The following KDM2A variants were observed in gnomAD, a reference collection of about 807,000 sequenced individuals.
KDM2A encodes the protein lysine-specific demethylase 2A.
A neutral mutation model predicts 137.3 loss-of-function variants in KDM2A; 3 were observed. That is an observed-to-expected ratio of 0.02 (90% CI 0.01 to 0.06). KDM2A has a LOEUF of 0.06. Ranked by LOEUF, KDM2A falls within the 10% of genes least tolerant of loss-of-function variation. The pLI, the probability that KDM2A is intolerant of heterozygous loss-of-function variation, is 1.00. For missense variants in KDM2A, 738 were observed against 1,510.6 expected (o/e 0.49, Z 8.48); for synonymous variants, 512 against 541.5 (o/e 0.95, Z 0.76).
chr11:67,138,038 C>T (rs1416292328), intron 2 of KDM2A, among the ~76,000 whole-genome samples: 4 of 152,094 alleles, frequency 2.6e-5, no homozygotes, highest in African/African-American at 7.2e-5. Context: ...CCTTGTGATT[C>T]GCCTGCCTCA....
chr11:67,148,525 G>A (rs1056788203), intron 2 of KDM2A, among the ~76,000 whole-genome samples: 6 of 152,126 alleles, frequency 3.9e-5, no homozygotes, highest in Admixed American at 3.3e-4. Flanking sequence ...ATCCGGCCGG[G>A]CGTGGTGGCT....
rs780285951 is a variant in KDM2A at position 67,253,403 on chromosome 11, G to T, written c.2933-50G>T. ...TTTGCTCAGATCGTTACGGCTCTGA[G>T]TATGCTGGGAAACAGTGTATTATTA... On this transcript the variant is annotated intron_variant, in intron 18 of 20. Transcript: ENST00000529006. The T allele has an allele frequency of 1.2e-5, 18 of 1,541,896 alleles. No individual in the cohort carries two copies. In the East Asian group the frequency reaches 4.1e-4, roughly 35 times the overall value.
In KDM2A at chr11:67,214,652, T is replaced by G. The variant is rs145512766; in HGVS notation, c.487-688T>G. On this transcript the variant is annotated intron_variant, in intron 6 of 20. Coordinates refer to ENST00000529006, the MANE Select transcript of KDM2A (RefSeq NM_012308.3). ...ACTGATCCCAACTATTTTTTTATTTTGAAGAGATGGGTTCTCACTGTGTTG... is the reference window on the plus strand; with the variant it reads ...ACTGATCCCAACTATTTTTTTATTTGGAAGAGATGGGTTCTCACTGTGTTG... Among the ~76,000 whole-genome samples, 99 of 152,208 alleles carry G rather than the reference T, an allele frequency of 6.5e-4. 3 individuals are homozygous for G. Among genetic ancestry groups the G allele is most frequent in the African/African-American group, 2.2e-3 (93 of 41,528 alleles).
chr11:67,226,657 G>A (rs1344144771), intron 10 of KDM2A, among the ~76,000 whole-genome samples: 1 of 152,188 alleles, frequency 6.6e-6, no homozygotes, highest in African/African-American at 2.4e-5. Context: ...GGGAGGTGGA[G>A]CTTGCAGTGA....
rs750238183 is a variant in KDM2A, at chr11:67,254,484, C to A, written c.3307+66C>A. 1.0e-4 allele frequency: 137 copies of A among 1,369,138 alleles called. No individual in the cohort carries two copies. Among genetic ancestry groups the A allele is most frequent in the Non-Finnish European group, 1.4e-4 (134 of 963,638 alleles). 84.8% of individuals were successfully genotyped at this position (1,369,138 alleles called of 1,614,324 possible). ...CCTCCAGCCCTCCCTGGAACTTGAT[C>A]AGTAAACCAGAATGACCTTGGGTCT... On this transcript the variant is annotated intron_variant, in intron 20 of 20. Transcript: ENST00000529006. The surrounding 1 kb of genome is among the most constrained non-coding windows in gnomAD (Gnocchi z 4.7).
intron 2 of KDM2A, among the ~76,000 whole-genome samples, chr11:67,136,025 C>CT: frequency 6.6e-6 from 1 of 152,182 alleles, no homozygotes; most frequent in South Asian, 2.1e-4. Context: ...TGTTTAATAT[C>CT]TGATTTTTTC....
chr11:67,225,117 C>G (rs1249521145), intron 10 of KDM2A, among the ~76,000 whole-genome samples: 2 of 152,070 alleles, frequency 1.3e-5, no homozygotes, highest in Non-Finnish European at 2.9e-5. Flanking sequence ...TGTGAGCCAT[C>G]ACGCCCGGCG....
At chr11:67,188,399 G>A (rs12282634) in intron 5 of KDM2A, among the ~76,000 whole-genome samples, 12,266 of 151,272 alleles carry the variant, frequency 0.081, 1,688 homozygotes, top group African/African-American at 0.28. Flanking sequence ...GGAGAATGGC[G>A]TGAACCCGGG....
At chr11:67,198,397 A>G (rs548600330) in intron 5 of KDM2A, among the ~76,000 whole-genome samples, 1 of 151,644 alleles carries the variant, frequency 6.6e-6, no homozygotes, top group South Asian at 2.1e-4. Context: ...TTCCAATAGC[A>G]TATGCTCACT....
At chr11:67,205,614 T>C (rs530542399) in intron 5 of KDM2A, among the ~76,000 whole-genome samples, 8 of 152,032 alleles carry the variant, frequency 5.3e-5, no homozygotes, top group Non-Finnish European at 1.0e-4. Context: ...TTTGTATTTG[T>C]ATTTTTTTGT....
intron 2 of KDM2A, among the ~76,000 whole-genome samples, chr11:67,139,251 C>G (rs942310381): frequency 6.9e-6 from 1 of 145,796 alleles, no homozygotes; most frequent in Non-Finnish European, 1.5e-5. Context: ...TTCCTTTTTT[C>G]TTTTTTCTTT....
chr11:67,170,105 A>G (rs922480076), intron 2 of KDM2A, among the ~76,000 whole-genome samples: 1 of 152,166 alleles, frequency 6.6e-6, no homozygotes, highest in Non-Finnish European at 1.5e-5. Flanking sequence ...CTACAAATAT[A>G]GGAAGTGAGA....
At chr11:67,224,085 G>A (rs1858454513) in intron 10 of KDM2A, among the ~76,000 whole-genome samples, 1 of 152,190 alleles carries the variant, frequency 6.6e-6, no homozygotes, top group Non-Finnish European at 1.5e-5. Context: ...GCCATGGGGA[G>A]AGTGATCTCC....
intron 12 of KDM2A, chr11:67,240,479 A>G: frequency 1.2e-6 from 1 of 862,670 alleles, no homozygotes; most frequent in Non-Finnish European, 1.7e-6. Context: ...AGTCCAGGAC[A>G]ATGCTATGTT....
chr11:67,252,798 A>C lies in KDM2A; in HGVS notation c.2873A>C (p.Asp958Ala). 1 of 1,613,910 alleles carries C rather than the reference A, an allele frequency of 6.2e-7. No individual in the cohort carries two copies. ...ATCAAGAGGCAGCCAGTCAGCCTTG[A>C]CCTCAGTTGGACCAACATCTCTAAA... is the stretch of plus-strand genomic sequence containing the variant. ...GIIKRQPVSL[D>A]LSWTNISKKQ... The change falls in exon 18 of 21, where the codon GAC becomes GCC. Residue 958 changes from aspartate to alanine, a missense_variant. Physicochemically the swap from Asp to Ala is moderately radical, Grantham distance 126. Around this residue, in one of 9 missense-constraint regions of KDM2A, gnomAD observed 166 missense variants for 324.0 expected, o/e 0.51. Coordinates refer to ENST00000529006, the MANE Select transcript of KDM2A (RefSeq NM_012308.3).
At chr11:67,149,910 C>T (rs1358498200) in intron 2 of KDM2A, among the ~76,000 whole-genome samples, 3 of 151,786 alleles carry the variant, frequency 2.0e-5, no homozygotes, top group African/African-American at 7.3e-5. Flanking sequence ...AGTAGAAGAG[C>T]GGGGTTTCAC....
At chr11:67,123,630 G>T (rs1268714569) in intron 2 of KDM2A, among the ~76,000 whole-genome samples, 1 of 151,564 alleles carries the variant, frequency 6.6e-6, no homozygotes, top group African/African-American at 2.4e-5. Flanking sequence ...AAGGAATTTT[G>T]CAGTCCAGAC....
chr11:67,223,152 A>G (rs1224474659), intron 10 of KDM2A, among the ~76,000 whole-genome samples: 1 of 149,546 alleles, frequency 6.7e-6, no homozygotes, highest in Non-Finnish European at 1.5e-5. Flanking sequence ...AGATCGTGCC[A>G]TTGCACTCCA....
chr11:67,142,329 G>A (rs1018494555), intron 2 of KDM2A, among the ~76,000 whole-genome samples: 2 of 147,996 alleles, frequency 1.4e-5, no homozygotes, highest in Non-Finnish European at 3.0e-5. Flanking sequence ...GAGCCACCGC[G>A]CCCACTGTAT....
Sources: allele counts gnomAD v4.1 joint callset (sites outside exome capture counted in the v4.1 genomes callset), GRCh38; gene constraint gnomAD v4.1.1; regional missense constraint gnomAD v4.1.1; non-coding constraint Gnocchi (gnomAD v3.1); transcripts MANE v1.5; gene names NCBI Gene and HGNC (gene_info 2026-07-23, HGNC 2026-07-21).